AOPEP: variants seen among roughly 807,000 people sequenced by gnomAD.
AOPEP encodes the protein aminopeptidase O.
Under a neutral mutation model 98.1 loss-of-function variants are expected in AOPEP, and 77 were observed. That is an observed-to-expected ratio of 0.78 (90% CI 0.65 to 0.95). AOPEP has a LOEUF of 0.95. Ranked by LOEUF, AOPEP falls within the 40% of genes least tolerant of loss-of-function variation. The probability of loss-of-function intolerance (pLI) is 0.00; values close to 1 mark genes in which losing one functional copy is unlikely to be tolerated. For synonymous variants in AOPEP, 346 were observed against 365.3 expected, an observed-to-expected ratio of 0.95 and a Z score of 0.60; for missense variants, 1,024 against 1,024.7, an observed-to-expected ratio of 1.00 and a Z score of 0.01.
At chr9:95,005,923 A>G in intron 13 of AOPEP, 1 of 525,932 alleles carries the variant, frequency 1.9e-6, no homozygotes, top group East Asian at 4.5e-5. Context: ...GTGTTAAGGT[A>G]CCTCTGAAAA....
intron 16 of AOPEP, 128 bp downstream of exon 16, chr9:95,082,847 A>T: frequency 9.2e-7 from 1 of 1,088,534 alleles, no homozygotes; most frequent in Non-Finnish European, 1.3e-6. Context: ...TCCCTGGCCC[A>T]GGGCCTGGAG....
rs770147968 is a variant in AOPEP at position 94,800,760 on chromosome 9, T to C, written c.1122T>C (p.His374=). The change falls in exon 5 of 17, where the codon CAT becomes CAC. Residue 374 remains histidine (H), a synonymous_variant. Coordinates refer to ENST00000375315, the MANE Select transcript of AOPEP (RefSeq NM_001193329.3). ...ATTTATTTTGTGTTATTCCCAGGCA[T>C]GTTGGTGTTTGCAGTCACATGGAAT... ...PFSPSEANFR[H]VGVCSHMEYP... 2.5e-6 allele frequency: 4 copies of C among 1,613,870 alleles called. No individual in the cohort carries two copies. Among genetic ancestry groups the C allele is most frequent in the African/African-American group, 2.7e-5 (2 of 74,928 alleles).
chr9:94,845,626 G>T (rs915317866), intron 5 of AOPEP, among the ~76,000 whole-genome samples: 2 of 152,176 alleles, frequency 1.3e-5, no homozygotes, highest in African/African-American at 4.8e-5. Context: ...ACAGTGAGAA[G>T]TGTTCAAATT....
At chr9:94,956,839 T>C (rs939068345) in intron 9 of AOPEP, among the ~76,000 whole-genome samples, 1 of 152,180 alleles carries the variant, frequency 6.6e-6, no homozygotes, top group Non-Finnish European at 1.5e-5. Flanking sequence ...AGTCTCATTA[T>C]CTCCAGTGTT....
chr9:94,927,814 T>C lies in AOPEP; in HGVS notation c.1555-611T>C, dbSNP rs140331791. Among the ~76,000 whole-genome samples the C allele has an allele frequency of 2.0e-5, 3 of 152,360 alleles. No individual in the cohort carries two copies. The East Asian group carries it at 5.8e-4, about 29-fold the overall frequency. On this transcript the variant is annotated intron_variant, in intron 6 of 16. Coordinates refer to ENST00000375315, the MANE Select transcript of AOPEP (RefSeq NM_001193329.3). Reference sequence around the variant, plus strand: ...GTGGATAGACGTCTTCCCTCCCCAGTGGGTGCTCTGCTGCCTTCCCTCACA... The same window carrying C: ...GTGGATAGACGTCTTCCCTCCCCAGCGGGTGCTCTGCTGCCTTCCCTCACA...
At chr9:94,763,571 G>A (rs1588099959) in intron 2 of AOPEP, among the ~76,000 whole-genome samples, 2 of 152,250 alleles carry the variant, frequency 1.3e-5, no homozygotes, top group African/African-American at 4.8e-5. Flanking sequence ...CTAGCACCCA[G>A]ATCTTAGTTT....
At chr9:95,090,664 G>C (rs1446610873), downstream of AOPEP, among the ~76,000 whole-genome samples, 1 of 152,144 alleles carries the variant, frequency 6.6e-6, no homozygotes, top group African/African-American at 2.4e-5. Context: ...GGGGTTGAAG[G>C]GACAGGAGGA....
At chr9:95,129,798 C>T in the AOPEP span, among the ~76,000 whole-genome samples, 1 of 152,134 alleles carries the variant, frequency 6.6e-6, no homozygotes, top group Admixed American at 6.5e-5. Flanking sequence ...AGGCTTTTCA[C>T]TGAATGCCCA....
At chr9:94,781,946 C>G (rs1039216552) in intron 3 of AOPEP, among the ~76,000 whole-genome samples, 42 of 151,208 alleles carry the variant, frequency 2.8e-4, no homozygotes, top group African/African-American at 9.9e-4. Flanking sequence ...AATCCCAGCA[C>G]TTTGGGAGGC....
At chr9:95,091,942 G>T (rs1405494024), downstream of AOPEP, among the ~76,000 whole-genome samples, 2 of 152,156 alleles carry the variant, frequency 1.3e-5, no homozygotes, top group Non-Finnish European at 2.9e-5. Context: ...TGGGAAAAGG[G>T]GGTTGATGCC....
chr9:95,093,255 G>C, the AOPEP span, among the ~76,000 whole-genome samples: 1 of 152,186 alleles, frequency 6.6e-6, no homozygotes, highest in Non-Finnish European at 1.5e-5. Context: ...GGCAGATGGA[G>C]GATGGGTCTT....
In AOPEP at chr9:94,760,537, C is replaced by T. The variant is rs371873852; in HGVS notation, c.754C>T (p.Pro252Ser). 4.6e-5 allele frequency: 72 copies of T among 1,570,724 alleles called. No individual in the cohort carries two copies. Among genetic ancestry groups the T allele is most frequent in the Admixed American group, 1.9e-4 (10 of 51,916 alleles). The change falls in exon 2 of 17, where the codon CCT becomes TCT. Residue 252 changes from proline (P) to serine (S), a missense_variant. Physicochemically the swap from Pro to Ser is moderately conservative, Grantham distance 74 (BLOSUM62 -1). Around this residue, in one of 3 missense-constraint regions of AOPEP, gnomAD observed 440 missense variants for 433.8 expected, o/e 1.01. Coordinates refer to ENST00000375315, the MANE Select transcript of AOPEP (RefSeq NM_001193329.3). ...HAIRIWYKTK[P>S]EGRSVTWTSD... ...TATCAGGATATGGTACAAAACTAAACCTGAAGGGCGATCGGTTACATGGAC... is the reference window on the plus strand; with the variant it reads ...TATCAGGATATGGTACAAAACTAAATCTGAAGGGCGATCGGTTACATGGAC...
intron 5 of AOPEP, among the ~76,000 whole-genome samples, chr9:94,826,042 T>C (rs1854453983): frequency 6.6e-6 from 1 of 152,104 alleles, no homozygotes. Context: ...GACAAAGTTA[T>C]TAGATTTTTT....
the AOPEP span, among the ~76,000 whole-genome samples, chr9:95,137,808 G>A: frequency 6.6e-6 from 1 of 152,238 alleles, no homozygotes; most frequent in Non-Finnish European, 1.5e-5. Flanking sequence ...AGGCACAGAA[G>A]CAGAGGACGC....
chr9:94,829,691 T>C (rs762689629), intron 5 of AOPEP, among the ~76,000 whole-genome samples: 11 of 149,900 alleles, frequency 7.3e-5, no homozygotes, highest in Non-Finnish European at 1.5e-4. Flanking sequence ...ATGTCAGATA[T>C]GTTCACCCTG....
intron 1 of AOPEP, among the ~76,000 whole-genome samples, chr9:94,755,499 T>C (rs1836812671): frequency 6.6e-6 from 1 of 152,146 alleles, no homozygotes; most frequent in Admixed American, 6.5e-5. Flanking sequence ...TTAATAGACT[T>C]ATATATAATT....
chr9:94,808,663 A>G (rs1849792703), intron 5 of AOPEP, among the ~76,000 whole-genome samples: 1 of 152,250 alleles, frequency 6.6e-6, no homozygotes, highest in African/African-American at 2.4e-5. Context: ...CTAGCTTGCT[A>G]AGAATAATCA....
At chr9:94,816,553 G>A (rs944527362) in intron 5 of AOPEP, among the ~76,000 whole-genome samples, 8 of 152,312 alleles carry the variant, frequency 5.3e-5, no homozygotes, top group Non-Finnish European at 1.2e-4. Context: ...GGTTAGGAAG[G>A]TAGGAAATGC....
chr9:94,903,892 TAAAAAAAA>T (rs10658054), intron 5 of AOPEP, among the ~76,000 whole-genome samples: 6 of 96,618 alleles, frequency 6.2e-5, no homozygotes, highest in Admixed American at 1.3e-4. Context: ...AGACTCTGTC[TAAAAAAAA>T]AAAAAAAAAA....
Sources: allele counts gnomAD v4.1 joint callset (sites outside exome capture counted in the v4.1 genomes callset), GRCh38; gene constraint gnomAD v4.1.1; regional missense constraint gnomAD v4.1.1; transcripts MANE v1.5; gene names NCBI Gene and HGNC (gene_info 2026-07-23, HGNC 2026-07-21).